ATP9B: variants seen among roughly 807,000 people sequenced by gnomAD.
ATP9B encodes probable phospholipid-transporting ATPase IIB.
Under a neutral mutation model 146.1 loss-of-function variants are expected in ATP9B, and 110 were observed. The observed-to-expected ratio is 0.75, with a 90% CI of 0.65 to 0.88. ATP9B has a LOEUF of 0.88. Among genes scored for constraint, ATP9B ranks in the 40% least tolerant of loss-of-function variants. The pLI, the probability that ATP9B is intolerant of heterozygous loss-of-function variation, is 0.00. For missense variants in ATP9B, 1,499 were observed against 1,496.4 expected (o/e 1.00, Z -0.03); for synonymous variants, 604 against 569.7 (o/e 1.06, Z -0.86).
intron 8 of ATP9B, among the ~76,000 whole-genome samples, chr18:79,178,381 G>A (rs1274800420): frequency 1.3e-5 from 2 of 152,150 alleles, no homozygotes; most frequent in African/African-American, 4.8e-5. Context: ...TTTCTGTGAT[G>A]GCCGGTTGTG....
rs555723251 is a variant in ATP9B, at chr18:79,287,464, A to G, written c.1411+10268A>G. Among the ~76,000 whole-genome samples the G allele has an allele frequency of 1.2e-4, 18 of 152,056 alleles. No individual in the cohort carries two copies. In the South Asian group the frequency reaches 3.7e-3, roughly 32 times the overall value. On this transcript the variant is annotated intron_variant, in intron 13 of 29. Transcript: ENST00000426216. Reference sequence around the variant, plus strand: ...GTATTTCTGTGAGATCGGTGGTGATATCCTCTATCATTTTTTATTGCGTCT... The same window carrying G: ...GTATTTCTGTGAGATCGGTGGTGATGTCCTCTATCATTTTTTATTGCGTCT...
intron 21 of ATP9B, among the ~76,000 whole-genome samples, chr18:79,345,094 G>C (rs990448460): frequency 2.0e-5 from 3 of 152,176 alleles, no homozygotes; most frequent in African/African-American, 7.2e-5. Context: ...TGTTTTTCAA[G>C]AAAGTCACTA....
chr18:79,269,596 C>T (rs2096236504), intron 12 of ATP9B, among the ~76,000 whole-genome samples: 1 of 152,126 alleles, frequency 6.6e-6, no homozygotes, highest in Non-Finnish European at 1.5e-5. Flanking sequence ...GCTCTTGCTT[C>T]TGGTGTCTTG....
chr18:79,299,291 C>A lies in ATP9B; in HGVS notation c.1412-4313C>A, dbSNP rs562855122. On this transcript the variant is annotated intron_variant, in intron 13 of 29. Coordinates refer to ENST00000426216, the MANE Select transcript of ATP9B (RefSeq NM_198531.5). Reference sequence around the variant, plus strand: ...CTCTCTTGATGGGACCTAGAGAGCTCCTCACCCCCTCCTCCCTCTCCAGCC... The same window carrying A: ...CTCTCTTGATGGGACCTAGAGAGCTACTCACCCCCTCCTCCCTCTCCAGCC... 4.6e-5 allele frequency among the ~76,000 whole-genome samples: 7 copies of A among 152,226 alleles called. 1 individual carries two copies. The highest frequency in any genetic ancestry group is 1.7e-4 in the African/African-American group (7 of 41,532).
At chr18:79,319,040 T>A (rs1176408984) in intron 15 of ATP9B, among the ~76,000 whole-genome samples, 4 of 152,196 alleles carry the variant, frequency 2.6e-5, no homozygotes, top group Non-Finnish European at 5.9e-5. Context: ...AGCTGTGTGG[T>A]ATTCTGGTGA....
intron 11 of ATP9B, among the ~76,000 whole-genome samples, chr18:79,229,922 C>T (rs540636229): frequency 1.3e-5 from 2 of 151,996 alleles, no homozygotes; most frequent in Non-Finnish European, 2.9e-5. Flanking sequence ...GGATGTTTGA[C>T]ATGCTAGGTT....
At chr18:79,138,001 G>A (rs970788383) in intron 5 of ATP9B, among the ~76,000 whole-genome samples, 1 of 152,180 alleles carries the variant, frequency 6.6e-6, no homozygotes, top group African/African-American at 2.4e-5. Flanking sequence ...TTCAGATTTT[G>A]TGGAGGTTTG....
rs537855627 is a variant in ATP9B, at chr18:79,316,982, A to C, written c.1773+9748A>C. Among the ~76,000 whole-genome samples the C allele has an allele frequency of 2.4e-4, 36 of 152,374 alleles. 1 individual carries two copies. The South Asian group carries it at 7.3e-3, about 31-fold the overall frequency. Reference sequence around the variant, plus strand: ...AAGTAGGCTTAAATGTTTATAAGAGAATATGAAATACAGCTCAAATGCTTA... The same window carrying C: ...AAGTAGGCTTAAATGTTTATAAGAGCATATGAAATACAGCTCAAATGCTTA... On this transcript the variant is annotated intron_variant, in intron 15 of 29. Transcript: ENST00000426216.
At chr18:79,256,230 C>A (rs2096075470) in intron 12 of ATP9B, among the ~76,000 whole-genome samples, 1 of 127,914 alleles carries the variant, frequency 7.8e-6, no homozygotes, top group Non-Finnish European at 1.6e-5. Context: ...GTCTATTTTC[C>A]CATGCCATTT....
At chr18:79,081,530 C>T (rs2073260820) in intron 1 of ATP9B, among the ~76,000 whole-genome samples, 1 of 151,270 alleles carries the variant, frequency 6.6e-6, no homozygotes, top group South Asian at 2.1e-4. Flanking sequence ...GGCTAGTGGT[C>T]TATCTATTCA....
chr18:79,247,249 A>G (rs2144900522), intron 11 of ATP9B, among the ~76,000 whole-genome samples: 1 of 152,358 alleles, frequency 6.6e-6, no homozygotes, highest in East Asian at 1.9e-4. Flanking sequence ...GATGGAATCC[A>G]GTTGTCCTGT....
intron 11 of ATP9B, among the ~76,000 whole-genome samples, chr18:79,249,276 T>TC (rs2095999670): frequency 6.6e-6 from 1 of 152,244 alleles, no homozygotes; most frequent in Non-Finnish European, 1.5e-5. Context: ...ATTATTGTGT[T>TC]CATTATCCTA....
intron 1 of ATP9B, among the ~76,000 whole-genome samples, chr18:79,087,144 A>G (rs2073913854): frequency 6.6e-6 from 1 of 152,200 alleles, no homozygotes. Flanking sequence ...GAGAGGATGA[A>G]TGTGGTTTCC....
rs374278987 is a variant in ATP9B, at chr18:79,205,481, CT to C, written c.955-1445del. 8.2e-3 allele frequency among the ~76,000 whole-genome samples: 1,198 copies of C among 146,890 alleles called. 12 individuals are homozygous for C. Among genetic ancestry groups the C allele is most frequent in the African/African-American group, 0.017 (699 of 40,298 alleles). On this transcript the variant is annotated intron_variant, in intron 9 of 29. Coordinates refer to ENST00000426216, the MANE Select transcript of ATP9B (RefSeq NM_198531.5). Reference sequence around the variant, plus strand: ...TTTCTTTCCTTTTCAAATTTGATTTCTTTTTTTTTTTCTTAAGGTATATCCT... The same window carrying C: ...TTTCTTTCCTTTTCAAATTTGATTTCTTTTTTTTTTCTTAAGGTATATCCT...
intron 1 of ATP9B, among the ~76,000 whole-genome samples, chr18:79,092,482 T>TAAA (rs2074409549): frequency 6.6e-6 from 1 of 152,230 alleles, no homozygotes; most frequent in Admixed American, 6.5e-5. Context: ...GGAACTTTTT[T>TAAA]ACTTTGTAAT....
intron 26 of ATP9B, 70 bp downstream of exon 26, chr18:79,359,532 AC>A (rs1448348905): frequency 8.2e-7 from 1 of 1,218,326 alleles, no homozygotes; most frequent in East Asian, 2.4e-5. Context: ...CGAGTGAGAA[AC>A]AGGCCAGTCA....
chr18:79,333,843 A>AT, intron 17 of ATP9B, among the ~76,000 whole-genome samples: 1 of 152,318 alleles, frequency 6.6e-6, no homozygotes, highest in Non-Finnish European at 1.5e-5. Flanking sequence ...ATTACCACTG[A>AT]TTTCTCTGTA....
At chr18:79,091,757 T>G (rs1470827948) in intron 1 of ATP9B, among the ~76,000 whole-genome samples, 3 of 152,308 alleles carry the variant, frequency 2.0e-5, no homozygotes, top group Non-Finnish European at 4.4e-5. Flanking sequence ...CAATTTGGAT[T>G]CCCCCTATAT....
intron 14 of ATP9B, among the ~76,000 whole-genome samples, chr18:79,305,752 T>C (rs1217040386): frequency 6.6e-6 from 1 of 152,276 alleles, no homozygotes; most frequent in Non-Finnish European, 1.5e-5. Flanking sequence ...TCATTTTTGC[T>C]GAAAGCTTCT....
Sources: gnomAD v4.1 joint callset for allele counts (sites outside exome capture counted in the v4.1 genomes callset) on GRCh38, gnomAD v4.1.1 for gene constraint, MANE v1.5 for transcripts, NCBI Gene and HGNC (gene_info 2026-07-23, HGNC 2026-07-21) for gene names.